Variants in RASAL2 observed in about 807,000 individuals in gnomAD.
The protein encoded by RASAL2 is RAS protein activator like 2, also known as ras GTPase-activating protein nGAP.
RASAL2 carries 58 observed loss-of-function variants against 128.9 expected under a neutral mutation model. The observed-to-expected ratio is 0.45, with a 90% CI of 0.36 to 0.56. The LOEUF is 0.56. RASAL2 is among the 20% of genes least tolerant of loss of function. The pLI, the probability that RASAL2 is intolerant of heterozygous loss-of-function variation, is 0.00. For synonymous variants in RASAL2, 561 were observed against 580.8 expected (o/e 0.97, Z 0.49); for missense variants, 1,360 against 1,601.6 (o/e 0.85, Z 2.57).
At chr1:178,142,490 G>A (rs1263155709) in intron 1 of RASAL2, among the ~76,000 whole-genome samples, 1 of 152,166 alleles carries the variant, frequency 6.6e-6, no homozygotes, top group Non-Finnish European at 1.5e-5. Context: ...GGTTAGGAAG[G>A]GCTGTCCATA....
chr1:178,198,608 C>G (rs1047002821), intron 1 of RASAL2, among the ~76,000 whole-genome samples: 10 of 152,204 alleles, frequency 6.6e-5, no homozygotes, highest in African/African-American at 2.4e-4. Flanking sequence ...CCGTGTTTGC[C>G]TGGGTATCAC....
Position 178,094,572 on chromosome 1 carries a change from C to A in RASAL2, c.80C>A (p.Ser27Ter). 1 of 1,602,744 alleles carries A rather than the reference C, an allele frequency of 6.2e-7. No individual in the cohort carries two copies. Among genetic ancestry groups the A allele is most frequent in the Non-Finnish European group, 8.5e-7 (1 of 1,174,914 alleles). Residue 27 changes from serine to a stop codon, truncating the protein, a stop_gained, in exon 1 of 18, where the codon TCG becomes TAG. Coordinates refer to ENST00000367649, the MANE Select transcript of RASAL2 (RefSeq NM_170692.4). LOFTEE classifies it high-confidence loss of function. ...PEMFPALESD[S>*]PLPPEDLDAV... ...ATGTTCCCGGCGCTGGAGTCCGACT[C>A]GCCGCTGCCCCCGGAGGACCTGGAC...
intron 1 of RASAL2, among the ~76,000 whole-genome samples, chr1:178,167,410 A>G (rs1661554357): frequency 6.6e-6 from 1 of 152,148 alleles, no homozygotes. Context: ...TACTTTTCAG[A>G]TAATGAATCA....
At chr1:178,448,553 A>G (rs1677170723) in intron 9 of RASAL2, among the ~76,000 whole-genome samples, 1 of 152,214 alleles carries the variant, frequency 6.6e-6, no homozygotes, top group Non-Finnish European at 1.5e-5. Context: ...AGCTTAAGAA[A>G]AGTACAAAGA....
chr1:178,095,778 G>A (rs1658657135), intron 1 of RASAL2, among the ~76,000 whole-genome samples: 1 of 152,144 alleles, frequency 6.6e-6, no homozygotes. Flanking sequence ...AGAACTAGGA[G>A]TCCAGAGATC....
At chr1:178,439,850 A>G (rs928296112) in intron 6 of RASAL2, among the ~76,000 whole-genome samples, 1 of 152,092 alleles carries the variant, frequency 6.6e-6, no homozygotes, top group Non-Finnish European at 1.5e-5. Context: ...GACAAGACTA[A>G]CAATAACATT....
At chr1:178,382,265 T>A (rs966774922) in intron 3 of RASAL2, among the ~76,000 whole-genome samples, 1 of 152,210 alleles carries the variant, frequency 6.6e-6, no homozygotes, top group African/African-American at 2.4e-5. Flanking sequence ...ACTTTTGTCA[T>A]TAAGTTAGTA....
intron 3 of RASAL2, among the ~76,000 whole-genome samples, chr1:178,329,149 G>A (rs544744435): frequency 1.3e-5 from 2 of 152,268 alleles, no homozygotes; most frequent in African/African-American, 4.8e-5. Context: ...GACTAGACTG[G>A]CAAAGCAAAC....
At chr1:178,427,177 AG>A (rs1375940933) in intron 5 of RASAL2, among the ~76,000 whole-genome samples, 2 of 152,172 alleles carry the variant, frequency 1.3e-5, no homozygotes, top group African/African-American at 4.8e-5. Context: ...CATGTCATAT[AG>A]GAGGGTGTTG....
chr1:178,192,365 TTAGG>T (rs1347848618), intron 1 of RASAL2, among the ~76,000 whole-genome samples: 1 of 152,124 alleles, frequency 6.6e-6, no homozygotes, highest in East Asian at 1.9e-4. Context: ...AAAAAATGCA[TTAGG>T]TAGAAGTGCA....
chr1:178,420,654 A>C (rs1281805904), intron 5 of RASAL2, 34 bp downstream of exon 5: 1 of 1,467,244 alleles, frequency 6.8e-7, no homozygotes, highest in Admixed American at 2.1e-5. Context: ...CAAAAAAAGC[A>C]GTTTGAGAGT....
At chr1:178,424,654 A>G (rs1289499793) in intron 5 of RASAL2, among the ~76,000 whole-genome samples, 1 of 151,766 alleles carries the variant, frequency 6.6e-6, no homozygotes, top group East Asian at 1.9e-4. Context: ...TAGAGATGGG[A>G]TTTTGTCATG....
At chr1:178,209,794 C>CTATG (rs1663189590) in intron 1 of RASAL2, among the ~76,000 whole-genome samples, 1 of 151,836 alleles carries the variant, frequency 6.6e-6, no homozygotes, top group African/African-American at 2.4e-5. Flanking sequence ...GTCTCCTAGA[C>CTATG]TATGTATGTA....
chr1:178,129,417 G>A (rs1558069482), intron 1 of RASAL2, among the ~76,000 whole-genome samples: 1 of 151,970 alleles, frequency 6.6e-6, no homozygotes, highest in Non-Finnish European at 1.5e-5. Context: ...CACTTCATAT[G>A]TTTTGTCCAT....
At chr1:178,127,478 A>G (rs188003605) in intron 1 of RASAL2, among the ~76,000 whole-genome samples, 253 of 152,268 alleles carry the variant, frequency 1.7e-3, no homozygotes, top group African/African-American at 5.9e-3. Flanking sequence ...ATCATAATAC[A>G]TCATTCCTTT....
rs181216868 is a variant in RASAL2 at position 178,214,526 on chromosome 1, C to T, written c.203-69038C>T. ...AGTAGCTGCCATTGGCTGAAACTCA[C>T]ACATTTTAATCAGTAACATCACCTG... is the stretch of plus-strand genomic sequence containing the variant. On this transcript the variant is annotated intron_variant, in intron 1 of 17. Coordinates refer to ENST00000367649, the MANE Select transcript of RASAL2 (RefSeq NM_170692.4). Among the ~76,000 whole-genome samples, 265 of 151,962 alleles carry T rather than the reference C, an allele frequency of 1.7e-3. 1 individual carries two copies. The highest frequency in any genetic ancestry group is 3.0e-3 in the Non-Finnish European group (201 of 67,964).
intron 1 of RASAL2, among the ~76,000 whole-genome samples, chr1:178,211,572 C>T (rs1663257843): frequency 1.3e-5 from 2 of 152,112 alleles, no homozygotes; most frequent in African/African-American, 2.4e-5. Flanking sequence ...TTATCAGTAC[C>T]TGAAATGGAT....
At chr1:178,393,778 C>T (rs188918817) in intron 4 of RASAL2, among the ~76,000 whole-genome samples, 221 of 152,246 alleles carry the variant, frequency 1.5e-3, no homozygotes, top group African/African-American at 5.2e-3. Context: ...TATAACAACC[C>T]CAGTGCCTAA....
intron 3 of RASAL2, among the ~76,000 whole-genome samples, chr1:178,308,356 G>C (rs1668090875): frequency 2.0e-5 from 3 of 151,978 alleles, no homozygotes; most frequent in Admixed American, 2.0e-4. Context: ...GGAAAAGCCA[G>C]CCTTTTACTT....
Sources: gnomAD v4.1 joint callset for allele counts (sites outside exome capture counted in the v4.1 genomes callset) on GRCh38, gnomAD v4.1.1 for gene constraint, MANE v1.5 for transcripts, NCBI Gene and HGNC (gene_info 2026-07-23, HGNC 2026-07-21) for gene names.